Variants in FGF14 observed in about 807,000 individuals in gnomAD.
The protein encoded by FGF14 is fibroblast growth factor 14, also known as fibroblast growth factor homologous factor 4.
In FGF14, 5 loss-of-function variants were observed where a neutral mutation model predicts 25.5. That is an observed-to-expected ratio of 0.20 (90% CI 0.10 to 0.41). FGF14 has a LOEUF of 0.41. FGF14 is among the 10% of genes least tolerant of loss of function. FGF14 has a pLI of 1.00. For synonymous variants in FGF14, 138 were observed against 118.3 expected (o/e 1.17, Z -1.08); for missense variants, 222 against 320.1 (o/e 0.69, Z 2.34).
At chr13:101,748,035 AG>A (rs2037002736) in intron 3 of FGF14, among the ~76,000 whole-genome samples, 1 of 152,056 alleles carries the variant, frequency 6.6e-6, no homozygotes, top group Non-Finnish European at 1.5e-5. Flanking sequence ...AACTTAGTAC[AG>A]TATTTATGGA....
chr13:102,140,522 T>C (rs906364204), intron 1 of FGF14, among the ~76,000 whole-genome samples: 3 of 152,116 alleles, frequency 2.0e-5, no homozygotes, highest in African/African-American at 7.2e-5. Context: ...CTGTAAAAGG[T>C]AACAGACTGC....
chr13:101,763,479 CT>C (rs2038174931), intron 3 of FGF14, among the ~76,000 whole-genome samples: 1 of 152,166 alleles, frequency 6.6e-6, no homozygotes, highest in Admixed American at 6.5e-5. Flanking sequence ...AGTGAAGGAA[CT>C]TTGTGTGTGG....
At chr13:102,270,270 T>C (rs1336712) in intron 1 of FGF14, among the ~76,000 whole-genome samples, 33,841 of 152,036 alleles carry the variant, frequency 0.22, 4,469 homozygotes, top group Admixed American at 0.36. Flanking sequence ...CTCTAAGGTA[T>C]TTCATATATT....
chr13:101,829,850 T>C lies in FGF14; in HGVS notation c.408+38875A>G, dbSNP rs2042583106. ...TATTCTGTTTAGTCCTCATAGCAAA[T>C]ATATGAGGTGGGCTCTTCACCTCCA... is the stretch of plus-strand genomic sequence containing the variant. On this transcript the variant is annotated intron_variant, in intron 3 of 4. Coordinates refer to ENST00000376143, the MANE Select transcript of FGF14 (RefSeq NM_004115.4). 2.0e-5 allele frequency among the ~76,000 whole-genome samples: 3 copies of C among 152,042 alleles called. No individual in the cohort carries two copies. The South Asian group carries it at 6.2e-4, about 31-fold the overall frequency.
chr13:101,871,940 G>A (rs1414314876), intron 2 of FGF14, among the ~76,000 whole-genome samples: 1 of 151,936 alleles, frequency 6.6e-6, no homozygotes, highest in Non-Finnish European at 1.5e-5. Flanking sequence ...ACATATATTA[G>A]ACTGGAAACC....
chr13:101,795,120 G>A (rs192391697), intron 3 of FGF14, among the ~76,000 whole-genome samples: 152 of 152,216 alleles, frequency 1.0e-3, no homozygotes, highest in African/African-American at 3.4e-3. Context: ...GCTGAAAAGC[G>A]CTTGTATTAA....
intron 1 of FGF14, among the ~76,000 whole-genome samples, chr13:102,128,139 T>A (rs1290428208): frequency 7.5e-6 from 1 of 132,866 alleles, no homozygotes; most frequent in African/African-American, 2.6e-5. Context: ...AAGGGAACCT[T>A]GGACACGTTG....
At chr13:102,111,998 T>G (rs2045252878) in intron 1 of FGF14, among the ~76,000 whole-genome samples, 1 of 152,192 alleles carries the variant, frequency 6.6e-6, no homozygotes, top group South Asian at 2.1e-4. Flanking sequence ...GTTTGGTAAG[T>G]TAGTCTACAT....
intron 1 of FGF14, among the ~76,000 whole-genome samples, chr13:101,987,465 T>C (rs74574084): frequency 2.6e-5 from 4 of 152,152 alleles, no homozygotes; most frequent in African/African-American, 9.7e-5. Context: ...CCCCCATATA[T>C]TGAAGTGTTT....
At chr13:101,839,428 T>G (rs2043092404) in intron 3 of FGF14, among the ~76,000 whole-genome samples, 1 of 151,932 alleles carries the variant, frequency 6.6e-6, no homozygotes, top group Non-Finnish European at 1.5e-5. Context: ...CAATTATGAC[T>G]CTCATGAAAA....
intron 1 of FGF14, among the ~76,000 whole-genome samples, chr13:102,053,397 G>A (rs1215872016): frequency 1.3e-5 from 2 of 151,904 alleles, no homozygotes; most frequent in South Asian, 4.1e-4. Context: ...CCAAAATAGA[G>A]AAATTATTTC....
At chr13:102,037,836 A>G (rs2041550250) in intron 1 of FGF14, among the ~76,000 whole-genome samples, 2 of 152,124 alleles carry the variant, frequency 1.3e-5, no homozygotes, top group Non-Finnish European at 1.5e-5. Flanking sequence ...TGCTTGCCCA[A>G]TGCACAGCAA....
At chr13:101,864,197 T>C (rs190357384) in intron 3 of FGF14, among the ~76,000 whole-genome samples, 208 of 152,278 alleles carry the variant, frequency 1.4e-3, no homozygotes, top group Admixed American at 5.5e-3. Flanking sequence ...CCAGTCCCTA[T>C]TCCAGAAGTT....
chr13:102,321,019 G>A (rs977370775), intron 1 of FGF14, among the ~76,000 whole-genome samples: 12 of 152,122 alleles, frequency 7.9e-5, no homozygotes, highest in African/African-American at 2.4e-4. Flanking sequence ...CAGTTCATAC[G>A]TAGAAAAGTT....
intron 1 of FGF14, among the ~76,000 whole-genome samples, chr13:101,913,806 A>C (rs995060619): frequency 5.4e-5 from 8 of 148,816 alleles, no homozygotes; most frequent in African/African-American, 1.7e-4. Context: ...CCCTCTCCCC[A>C]CCCCTCTCTC....
chr13:102,037,258 T>G (rs1339715844), intron 1 of FGF14, among the ~76,000 whole-genome samples: 1 of 152,168 alleles, frequency 6.6e-6, no homozygotes, highest in Admixed American at 6.6e-5. Context: ...TTTATTGTTC[T>G]GTATGTCAAA....
Position 101,833,650 on chromosome 13 carries a change from C to T in FGF14, c.408+35075G>A, listed in dbSNP as rs117228512. ...ACAGATAGGTGTGTGTATACATATG[C>T]ATATGTGTGTATATATGTATGTACA... is the stretch of plus-strand genomic sequence containing the variant. On this transcript the variant is annotated intron_variant, in intron 3 of 4. Coordinates refer to ENST00000376143, the MANE Select transcript of FGF14 (RefSeq NM_004115.4). Among the ~76,000 whole-genome samples the T allele has an allele frequency of 3.9e-3, 590 of 152,060 alleles. 4 individuals carry two copies. The highest frequency in any genetic ancestry group is 6.8e-3 in the Middle Eastern group (2 of 294).
chr13:101,819,255 G>T (rs563905632), intron 3 of FGF14, among the ~76,000 whole-genome samples: 2 of 152,268 alleles, frequency 1.3e-5, no homozygotes, highest in South Asian at 4.1e-4. Context: ...AAGAAGGGCA[G>T]CAAGAAAAGA....
chr13:102,305,171 G>A (rs1270082689), intron 1 of FGF14, among the ~76,000 whole-genome samples: 1 of 152,052 alleles, frequency 6.6e-6, no homozygotes, highest in East Asian at 1.9e-4. Context: ...TTTTTACAAA[G>A]CTTAGAGTTT....
Sources: allele counts gnomAD v4.1 joint callset (sites outside exome capture counted in the v4.1 genomes callset), GRCh38; gene constraint gnomAD v4.1.1; transcripts MANE v1.5; gene names NCBI Gene and HGNC (gene_info 2026-07-23, HGNC 2026-07-21).